BCAS3: variants seen among roughly 807,000 people sequenced by gnomAD.
The protein encoded by BCAS3 is BCAS4/BCAS3 fusion.
BCAS3 carries 53 observed loss-of-function variants against 116.1 expected under a neutral mutation model. That is an observed-to-expected ratio of 0.46 (90% CI 0.37 to 0.57). BCAS3 has a LOEUF of 0.57. Ranked by LOEUF, BCAS3 falls within the 20% of genes least tolerant of loss-of-function variation. The pLI is 0.00. For synonymous variants in BCAS3, 391 were observed against 408.2 expected (o/e 0.96, Z 0.51); for missense variants, 917 against 1,165.4 (o/e 0.79, Z 3.10).
Position 61,032,409 on chromosome 17 carries a change from C to G in BCAS3, c.1638-2257C>G, listed in dbSNP as rs933408762. On this transcript the variant is annotated intron_variant, in intron 16 of 23. Coordinates refer to ENST00000407086, the MANE Select transcript of BCAS3 (RefSeq NM_017679.5). This position sits in a 1 kb window ranked among gnomAD's most constrained non-coding sequence, Gnocchi z 4.6. The stretch of plus-strand genomic sequence containing the variant: ...CAATACTTTTCTCTTTCCCGTTCCC[C>G]CAGCCACCATCTTCCCAAAACTCCT... 2.0e-5 allele frequency among the ~76,000 whole-genome samples: 3 copies of G among 152,048 alleles called. No individual in the cohort carries two copies. The highest frequency in any genetic ancestry group is 7.2e-5 in the African/African-American group (3 of 41,394).
In BCAS3 at chr17:61,220,952, T is replaced by A. The variant is rs1209249854; in HGVS notation, c.2425+136388T>A. Among the ~76,000 whole-genome samples the A allele has an allele frequency of 6.6e-6, 1 of 152,022 alleles. No homozygotes were observed. Among genetic ancestry groups the A allele is most frequent in the African/African-American group, 2.4e-5 (1 of 41,390 alleles). Reference sequence around the variant, plus strand: ...CATCTCTACTAAAAATACAAAAAATTAGCTGGGCATGGTGGCGGGCGCCTG... The same window carrying A: ...CATCTCTACTAAAAATACAAAAAATAAGCTGGGCATGGTGGCGGGCGCCTG... On this transcript the variant is annotated intron_variant, in intron 22 of 23. Coordinates refer to ENST00000407086, the MANE Select transcript of BCAS3 (RefSeq NM_017679.5). The surrounding 1 kb of genome is among the most constrained non-coding windows in gnomAD (Gnocchi z 4.5).
chr17:60,909,769 A>G (rs1287440785), intron 11 of BCAS3, among the ~76,000 whole-genome samples: 5 of 152,180 alleles, frequency 3.3e-5, no homozygotes, highest in Admixed American at 2.0e-4. Flanking sequence ...ATTCACATAG[A>G]AGAAAAAATA....
At position 61,029,113 on chromosome 17, in the gene BCAS3, T is replaced by G. The variant is rs1363147168; in HGVS notation, c.1638-5553T>G. On this transcript the variant is annotated intron_variant, in intron 16 of 23. Coordinates refer to ENST00000407086, the MANE Select transcript of BCAS3 (RefSeq NM_017679.5). The surrounding 1 kb of genome is among the most constrained non-coding windows in gnomAD (Gnocchi z 5.2). ...AATATGTTTTTAGTATATCCAGTTATAGGGTAATATATGTATTTTGGATGA... is the reference window on the plus strand; with the variant it reads ...AATATGTTTTTAGTATATCCAGTTAGAGGGTAATATATGTATTTTGGATGA... Among the ~76,000 whole-genome samples the G allele has an allele frequency of 1.3e-5, 2 of 151,976 alleles. No homozygotes were observed. Among genetic ancestry groups the G allele is most frequent in the African/African-American group, 4.8e-5 (2 of 41,424 alleles).
At chr17:61,277,931 C>G (rs2050907383) in intron 22 of BCAS3, among the ~76,000 whole-genome samples, 1 of 152,232 alleles carries the variant, frequency 6.6e-6, no homozygotes, top group South Asian at 2.1e-4. Context: ...AGCAAACTGG[C>G]AATTTCTCAG....
At chr17:61,218,326 T>C (rs1262871432) in intron 22 of BCAS3, among the ~76,000 whole-genome samples, 1 of 152,192 alleles carries the variant, frequency 6.6e-6, no homozygotes, top group East Asian at 1.9e-4. Context: ...CCTAAGATTG[T>C]TGGGCTTACC....
At chr17:60,983,129 C>T (rs192082216) in intron 14 of BCAS3, among the ~76,000 whole-genome samples, 14 of 152,190 alleles carry the variant, frequency 9.2e-5, no homozygotes, top group African/African-American at 3.4e-4. Context: ...ACCACGGTTG[C>T]CTAATCTGTA....
In BCAS3 at chr17:61,185,035, T is replaced by TA. The variant is rs911343378; in HGVS notation, c.2425+100481dup. ...AGTGCTGATTACATACTATATGCAT[T>TA]AAAAAAAAAACCTTTATCAGTCTCA... On this transcript the variant is annotated intron_variant, in intron 22 of 23. Transcript: ENST00000407086. 1.9e-3 allele frequency among the ~76,000 whole-genome samples: 283 copies of TA among 146,904 alleles called. 1 individual carries two copies. Among genetic ancestry groups the TA allele is most frequent in the East Asian group, 0.011 (58 of 5,074 alleles).
At chr17:61,291,230 G>A (rs930544639) in intron 22 of BCAS3, among the ~76,000 whole-genome samples, 12 of 152,100 alleles carry the variant, frequency 7.9e-5, no homozygotes, top group African/African-American at 2.9e-4. Flanking sequence ...ACAAACAAAA[G>A]AAACGAATAA....
At chr17:61,123,470 T>C (rs2075892379) in intron 22 of BCAS3, among the ~76,000 whole-genome samples, 1 of 152,110 alleles carries the variant, frequency 6.6e-6, no homozygotes, top group Non-Finnish European at 1.5e-5. Flanking sequence ...AAAATAATAA[T>C]GATAATATAT....
chr17:61,295,627 G>A lies in BCAS3; in HGVS notation c.2426-72700G>A, dbSNP rs571564194. On this transcript the variant is annotated intron_variant, in intron 22 of 23. Transcript: ENST00000407086. ...ATACCACTCAGGTCAAAAAACTGTC[G>A]TGTTGGGATGTCCATGGTTGCCGTT... is the stretch of plus-strand genomic sequence containing the variant. Among the ~76,000 whole-genome samples the A allele has an allele frequency of 1.3e-4, 20 of 152,190 alleles. No individual in the cohort carries two copies. The South Asian group carries it at 3.3e-3, about 25-fold the overall frequency.
chr17:60,742,217 C>T (rs1438514104), intron 5 of BCAS3, among the ~76,000 whole-genome samples: 1 of 152,132 alleles, frequency 6.6e-6, no homozygotes, highest in Non-Finnish European at 1.5e-5. Context: ...ATTTGCATTT[C>T]TGTGCACAAG....
chr17:61,108,719 T>C (rs1005121484), intron 22 of BCAS3, among the ~76,000 whole-genome samples: 1 of 151,972 alleles, frequency 6.6e-6, no homozygotes, highest in African/African-American at 2.4e-5. Flanking sequence ...ACCCGAGCAG[T>C]GTACACTGTA....
rs981710784 is a variant in BCAS3, at chr17:61,083,598, T to C, written c.2328-869T>C. 8.5e-6 allele frequency among the ~76,000 whole-genome samples: 1 copy of C among 117,924 alleles called. No homozygotes were observed. The highest frequency in any genetic ancestry group is 1.6e-5 in the Non-Finnish European group (1 of 64,246). 77.4% of individuals were successfully genotyped at this position (117,924 alleles called of 152,430 possible). Reference sequence around the variant, plus strand: ...TTTGGCATTTATATGTTTATTATTCTTTTTTTTTTTTTTTTGAGACGGAGT... The same window carrying C: ...TTTGGCATTTATATGTTTATTATTCCTTTTTTTTTTTTTTTGAGACGGAGT... On this transcript the variant is annotated intron_variant, in intron 21 of 23. Coordinates refer to ENST00000407086, the MANE Select transcript of BCAS3 (RefSeq NM_017679.5). The surrounding 1 kb of genome is among the most constrained non-coding windows in gnomAD (Gnocchi z 4.9).
At chr17:60,743,603 A>C (rs113679325) in intron 5 of BCAS3, among the ~76,000 whole-genome samples, 3 of 151,662 alleles carry the variant, frequency 2.0e-5, no homozygotes, top group Non-Finnish European at 4.4e-5. Flanking sequence ...TCTTGTCCTA[A>C]TAATGCAGCA....
intron 6 of BCAS3, among the ~76,000 whole-genome samples, chr17:60,797,231 C>T (rs2047292389): frequency 1.3e-5 from 2 of 152,110 alleles, no homozygotes; most frequent in South Asian, 4.1e-4. Flanking sequence ...TAATCCGTTT[C>T]AATATACCAC....
chr17:61,191,557 C>T (rs1406451602), intron 22 of BCAS3, among the ~76,000 whole-genome samples: 1 of 150,922 alleles, frequency 6.6e-6, no homozygotes, highest in Admixed American at 6.6e-5. Flanking sequence ...GGGCGGATCA[C>T]GAGGTCAGGA....
chr17:61,080,239 CAA>C (rs1217916620), intron 21 of BCAS3, among the ~76,000 whole-genome samples: 1 of 152,092 alleles, frequency 6.6e-6, no homozygotes, highest in African/African-American at 2.4e-5. Context: ...ACTACCTACT[CAA>C]GACAGAATCT....
At chr17:60,753,427 A>ATTT (rs71370180) in intron 6 of BCAS3, among the ~76,000 whole-genome samples, 1 of 148,816 alleles carries the variant, frequency 6.7e-6, no homozygotes, top group Non-Finnish European at 1.5e-5. Context: ...TTATTTATTT[A>ATTT]GAGACGGAGT....
At chr17:60,771,746 C>A (rs1280433482) in intron 6 of BCAS3, among the ~76,000 whole-genome samples, 1 of 152,122 alleles carries the variant, frequency 6.6e-6, no homozygotes, top group Non-Finnish European at 1.5e-5. Context: ...GGTCCCCCAC[C>A]CTGTGTCCAA....
Sources: gnomAD v4.1 joint callset for allele counts (sites outside exome capture counted in the v4.1 genomes callset) on GRCh38, gnomAD v4.1.1 for gene constraint, Gnocchi (gnomAD v3.1) non-coding constraint, MANE v1.5 for transcripts, NCBI Gene and HGNC (gene_info 2026-07-23, HGNC 2026-07-21) for gene names.